The following KCNG2 variants were observed in gnomAD, a reference collection of about 807,000 sequenced individuals.
The protein encoded by KCNG2 is voltage-gated potassium channel regulatory subunit KCNG2.
In KCNG2, 7 loss-of-function variants were observed where a neutral mutation model predicts 12.3. The observed-to-expected ratio is 0.57, with a 90% CI of 0.32 to 1.07. The LOEUF is 1.07. KCNG2 is among the 50% of genes least tolerant of loss of function. KCNG2 has a pLI of 0.04. For synonymous variants in KCNG2, 414 were observed against 351.4 expected (o/e 1.18, Z -1.99); for missense variants, 703 against 726.0 (o/e 0.97, Z 0.36).
intron 3 of KCNG2, among the ~76,000 whole-genome samples, chr18:79,867,559 T>G (rs1400730581): frequency 1.1e-5 from 1 of 90,996 alleles, no homozygotes; most frequent in Non-Finnish European, 2.0e-5. Context: ...GTGTGTCGTG[T>G]CTGGGAGGGA....
intron 1 of KCNG2, among the ~76,000 whole-genome samples, chr18:79,801,914 G>A (rs1248492105): frequency 1.3e-5 from 2 of 152,184 alleles, no homozygotes; most frequent in Non-Finnish European, 2.9e-5. Context: ...TCATCACCTG[G>A]TTAATGGGAA....
intron 1 of KCNG2, among the ~76,000 whole-genome samples, chr18:79,851,131 G>GT (rs1006443268): frequency 1.3e-5 from 2 of 152,166 alleles, no homozygotes; most frequent in African/African-American, 4.8e-5. Flanking sequence ...GTTCCCGAGA[G>GT]TAAGAGGAGG....
At chr18:79,799,757 C>T (rs2087392947) in intron 1 of KCNG2, among the ~76,000 whole-genome samples, 1 of 152,232 alleles carries the variant, frequency 6.6e-6, no homozygotes, top group African/African-American at 2.4e-5. Flanking sequence ...TCAGCTTTCC[C>T]TTTTCAGCGC....
intron 1 of KCNG2, among the ~76,000 whole-genome samples, chr18:79,834,007 G>T (rs896804182): frequency 6.6e-6 from 1 of 152,270 alleles, no homozygotes; most frequent in Non-Finnish European, 1.5e-5. Flanking sequence ...GCAGGGCAGT[G>T]CCTCTCTGGC....
chr18:79,865,529 GTGTGCT>G (rs1979462277), intron 3 of KCNG2, among the ~76,000 whole-genome samples: 2 of 86,720 alleles, frequency 2.3e-5, no homozygotes, highest in Admixed American at 1.4e-4. Context: ...GCTGAGGTCT[GTGTGCT>G]GAGAGGTCTG....
intron 1 of KCNG2, among the ~76,000 whole-genome samples, chr18:79,853,534 G>A (rs1342405782): frequency 6.6e-6 from 1 of 152,192 alleles, no homozygotes; most frequent in East Asian, 1.9e-4. Flanking sequence ...AGCAGAGGGT[G>A]GTGTGCAGTG....
rs116462739 is a variant in KCNG2, at chr18:79,878,072, C to T, written c.624+13781C>T. On this transcript the variant is annotated intron_variant, in intron 3 of 3. Transcript: ENST00000316249. ...CACCGGCGCTGCCGCGTGGTGTGAG[C>T]GTGCCAGGAAATGTGTAAATGCCTG... Among the ~76,000 whole-genome samples, 496 of 152,390 alleles carry T rather than the reference C, an allele frequency of 3.3e-3. 3 individuals are homozygous for T. The highest frequency in any genetic ancestry group is 0.012 in the African/African-American group (481 of 41,600).
At chr18:79,809,441 T>C (rs36005941) in intron 1 of KCNG2, among the ~76,000 whole-genome samples, 56 of 134,198 alleles carry the variant, frequency 4.2e-4, no homozygotes, top group African/African-American at 1.5e-3. Context: ...CCCAGAGTCC[T>C]CGCCCTGAGG....
intron 3 of KCNG2, among the ~76,000 whole-genome samples, chr18:79,883,665 G>A (rs1980406402): frequency 6.6e-6 from 1 of 152,202 alleles, no homozygotes; most frequent in Non-Finnish European, 1.5e-5. Context: ...AGTGAACGAT[G>A]AGGAGGGGCC....
chr18:79,827,930 T>TC (rs986757565), intron 1 of KCNG2, among the ~76,000 whole-genome samples: 3 of 150,680 alleles, frequency 2.0e-5, no homozygotes, highest in African/African-American at 7.3e-5. Context: ...TTTCTTTCTT[T>TC]TTTTTTTTTT....
rs2098241262 is a variant in KCNG2 at position 79,884,781 on chromosome 18, C to A, written c.625-14259C>A. On this transcript the variant is annotated intron_variant, in intron 3 of 3. Coordinates refer to ENST00000316249, the MANE Select transcript of KCNG2 (RefSeq NM_012283.2). This position sits in a 1 kb window ranked among gnomAD's most constrained non-coding sequence, Gnocchi z 5.5. ...TTCCTCGGGGGGGCTCATCCTGGGG[C>A]CCAGGAACTCGGGAGCGGTTTACCC... Among the ~76,000 whole-genome samples, 1 of 152,164 alleles carries A rather than the reference C, an allele frequency of 6.6e-6. No homozygotes were observed. Among genetic ancestry groups the A allele is most frequent in the Admixed American group, 6.5e-5 (1 of 15,272 alleles).
At chr18:79,828,446 G>GGT (rs3042173) in intron 1 of KCNG2, among the ~76,000 whole-genome samples, 121,271 of 151,102 alleles carry the variant, frequency 0.8, 51,791 homozygotes, top group Non-Finnish European at 0.94. Flanking sequence ...GCAAGTGTGT[G>GGT]GTGTGTGTGC....
In KCNG2 at chr18:79,887,842, T is replaced by C. The variant is rs115232133; in HGVS notation, c.625-11198T>C. On this transcript the variant is annotated intron_variant, in intron 3 of 3. Coordinates refer to ENST00000316249, the MANE Select transcript of KCNG2 (RefSeq NM_012283.2). Reference sequence around the variant, plus strand: ...TTCGGGAATGGACTGGAGCCAGGGATCCACGCAGCAGCCCACCCGCCTTGA... The same window carrying C: ...TTCGGGAATGGACTGGAGCCAGGGACCCACGCAGCAGCCCACCCGCCTTGA... 5.9e-3 allele frequency among the ~76,000 whole-genome samples: 893 copies of C among 152,220 alleles called. 12 individuals are homozygous for C. The highest frequency in any genetic ancestry group is 0.021 in the African/African-American group (852 of 41,534).
rs529348664 is a variant in KCNG2, at chr18:79,851,754, T to C, written c.-114-4625T>C. Among the ~76,000 whole-genome samples, 6 of 24,792 alleles carry C rather than the reference T, an allele frequency of 2.4e-4. No homozygotes were observed. The South Asian group carries it at 0.13, about 539-fold the overall frequency. The allele number at this position is 24,792 out of a possible 152,430, so 16.3% of individuals were successfully genotyped here. On this transcript the variant is annotated intron_variant, in intron 1 of 3. Coordinates refer to ENST00000316249, the MANE Select transcript of KCNG2 (RefSeq NM_012283.2). Reference sequence around the variant, plus strand: ...GAATGTGTATGCCTGTGTGAATGTATGTGTGTGTGTGACTGTGAATGCGTG... The same window carrying C: ...GAATGTGTATGCCTGTGTGAATGTACGTGTGTGTGTGACTGTGAATGCGTG...
At chr18:79,883,150 T>C (rs1056058564) in intron 3 of KCNG2, among the ~76,000 whole-genome samples, 1 of 151,938 alleles carries the variant, frequency 6.6e-6, no homozygotes, top group Non-Finnish European at 1.5e-5. Flanking sequence ...ACGAATGGGC[T>C]CGCAGGGCCT....
At chr18:79,820,649 C>A (rs767915455) in intron 1 of KCNG2, among the ~76,000 whole-genome samples, 1 of 152,122 alleles carries the variant, frequency 6.6e-6, no homozygotes, top group African/African-American at 2.4e-5. Flanking sequence ...TATTCAAGTT[C>A]TTTGCCCATT....
intron 3 of KCNG2, among the ~76,000 whole-genome samples, chr18:79,871,296 G>A (rs8094719): frequency 0.075 from 11,421 of 152,316 alleles, 582 homozygotes; most frequent in East Asian, 0.14. Flanking sequence ...TCCTGTGGGG[G>A]ACCCTTGGAG....
intron 3 of KCNG2, among the ~76,000 whole-genome samples, chr18:79,866,398 G>T (rs1370349535): frequency 8.1e-5 from 6 of 74,248 alleles, no homozygotes; most frequent in South Asian, 5.4e-4. Context: ...GAGAGGTCTG[G>T]GTGCTGAGGT....
rs1214920289 is a variant in KCNG2 at position 79,863,716 on chromosome 18, C to A, written c.49C>A (p.Arg17=). The A allele has an allele frequency of 7.2e-5, 87 of 1,205,074 alleles. No homozygotes were observed. The Admixed American group carries it at 1.9e-3, about 26-fold the overall frequency. The allele number at this position is 1,205,074 out of a possible 1,614,324, so 74.6% of individuals were successfully genotyped here. ...SPGGGGGTRA[R]HVIINVGGCR... ...GGGCGGCGGCGGCGGGACCCGCGCC[C>A]GGCACGTCATCATCAACGTGGGCGG... is the stretch of plus-strand genomic sequence containing the variant. The change falls in exon 3 of 4, where the codon CGG becomes AGG. Residue 17 remains arginine, a synonymous_variant. Coordinates refer to ENST00000316249, the MANE Select transcript of KCNG2 (RefSeq NM_012283.2).
Sources: allele counts gnomAD v4.1 joint callset (sites outside exome capture counted in the v4.1 genomes callset), GRCh38; gene constraint gnomAD v4.1.1; non-coding constraint Gnocchi (gnomAD v3.1); transcripts MANE v1.5; gene names NCBI Gene and HGNC (gene_info 2026-07-23, HGNC 2026-07-21).